INPP4B: variants seen among roughly 807,000 people sequenced by gnomAD.
The protein encoded by INPP4B is inositol polyphosphate-4-phosphatase type II B, also known as inositol polyphosphate 4-phosphatase type II.
A neutral mutation model predicts 122.5 loss-of-function variants in INPP4B; 55 were observed. The observed-to-expected ratio is 0.45, with a 90% confidence interval of 0.36 to 0.56. The LOEUF is 0.56. Among genes scored for constraint, INPP4B ranks in the 20% least tolerant of loss-of-function variants. The pLI, the probability that INPP4B is intolerant of heterozygous loss-of-function variation, is 0.00. For missense variants in INPP4B, 1,000 were observed against 1,097.7 expected (o/e 0.91, Z 1.26); for synonymous variants, 403 against 388.7 (o/e 1.04, Z -0.43).
At chr4:142,551,776 A>G (rs1017609968) in intron 2 of INPP4B, among the ~76,000 whole-genome samples, 5 of 152,214 alleles carry the variant, frequency 3.3e-5, no homozygotes, top group African/African-American at 7.2e-5. Flanking sequence ...CAGAATGTCA[A>G]TTACATATAG....
At chr4:142,399,534 T>A (rs565327911) in intron 7 of INPP4B, among the ~76,000 whole-genome samples, 2 of 152,214 alleles carry the variant, frequency 1.3e-5, no homozygotes, top group East Asian at 3.9e-4. Context: ...TATGAAAGAC[T>A]CAGAATCCCA....
rs1026108197 is a variant in INPP4B, at chr4:142,305,397, C to T, written c.503+61G>A. On this transcript the variant is annotated intron_variant, in intron 9 of 25. Coordinates refer to ENST00000262992, the MANE Select transcript of INPP4B (RefSeq NM_001101669.3). The stretch of plus-strand genomic sequence containing the variant: ...GAATTGTGACTTTCAAACACACTGG[C>T]CATCAATAAATATCACTTGTTATTA... The T allele has an allele frequency of 3.1e-5, 39 of 1,245,052 alleles. No homozygotes were observed. The African/African-American group carries it at 5.3e-4, about 17-fold the overall frequency. The allele number at this position is 1,245,052 out of a possible 1,614,324, so 77.1% of individuals were successfully genotyped here. A position where few individuals can be genotyped will look rare whatever the true frequency, so the allele number is the denominator to read the frequency against.
chr4:142,245,049 C>G (rs1175024965), intron 11 of INPP4B, among the ~76,000 whole-genome samples: 2 of 152,270 alleles, frequency 1.3e-5, no homozygotes, highest in East Asian at 3.9e-4. Context: ...TGTTCATATT[C>G]TTTGCCCACT....
intron 5 of INPP4B, among the ~76,000 whole-genome samples, chr4:142,405,692 A>G (rs1803175197): frequency 6.6e-6 from 1 of 152,158 alleles, no homozygotes; most frequent in Admixed American, 6.5e-5. Context: ...GATTTGGGCC[A>G]TATCTGGGAA....
rs1736375322 is a variant in INPP4B, at chr4:142,024,375, C to T, written c.*4407G>A. 6.6e-6 allele frequency: 1 copy of T among 152,246 alleles called. No individual in the cohort carries two copies. Among genetic ancestry groups the T allele is most frequent in the East Asian group, 1.9e-4 (1 of 5,178 alleles). 9.4% of individuals were successfully genotyped at this position (152,246 alleles called of 1,614,324 possible). Reference sequence around the variant, plus strand: ...TCACACTAAAATTGTCAATCAGCTACACATCTCTCACCAAATCATTCTTTT... The same window carrying T: ...TCACACTAAAATTGTCAATCAGCTATACATCTCTCACCAAATCATTCTTTT... On this transcript the variant is annotated 3_prime_UTR_variant, in exon 26 of 26. Transcript: ENST00000262992.
chr4:142,631,545 G>T (rs940475547), intron 2 of INPP4B, among the ~76,000 whole-genome samples: 1 of 151,920 alleles, frequency 6.6e-6, no homozygotes, highest in Non-Finnish European at 1.5e-5. Flanking sequence ...GACTAAAAAC[G>T]TTCCAAAATT....
chr4:142,565,421 C>T (rs1279862297), intron 2 of INPP4B, among the ~76,000 whole-genome samples: 1 of 152,048 alleles, frequency 6.6e-6, no homozygotes, highest in Non-Finnish European at 1.5e-5. Context: ...GGGATTATAA[C>T]CTGTGGAATA....
At chr4:142,259,502 TA>T (rs1259187669) in intron 11 of INPP4B, among the ~76,000 whole-genome samples, 1 of 151,632 alleles carries the variant, frequency 6.6e-6, no homozygotes, top group African/African-American at 2.4e-5. Flanking sequence ...GGTACAGGAT[TA>T]AAAACAGGCC....
chr4:142,708,886 G>A (rs993589117), intron 2 of INPP4B, among the ~76,000 whole-genome samples: 1 of 152,128 alleles, frequency 6.6e-6, no homozygotes, highest in Non-Finnish European at 1.5e-5. Context: ...AGCTTGCACC[G>A]TGTGCCTAGA....
chr4:142,451,856 G>A (rs543807489), intron 3 of INPP4B, among the ~76,000 whole-genome samples: 22 of 152,130 alleles, frequency 1.4e-4, no homozygotes, highest in East Asian at 5.8e-4. Context: ...TTATTCACTC[G>A]TTTCAAATTA....
chr4:142,469,342 AAGG>A (rs1206334113), intron 2 of INPP4B, among the ~76,000 whole-genome samples: 1 of 152,132 alleles, frequency 6.6e-6, no homozygotes, highest in East Asian at 1.9e-4. Flanking sequence ...ATAACTCTGT[AAGG>A]AAAATTATAA....
At chr4:142,318,260 G>T (rs1372832731) in intron 7 of INPP4B, among the ~76,000 whole-genome samples, 2 of 152,034 alleles carry the variant, frequency 1.3e-5, no homozygotes, top group Non-Finnish European at 2.9e-5. Context: ...GGGGAGGAAA[G>T]AAAGAAGGAG....
chr4:142,650,101 A>G (rs769359523), intron 2 of INPP4B, among the ~76,000 whole-genome samples: 1 of 152,236 alleles, frequency 6.6e-6, no homozygotes, highest in African/African-American at 2.4e-5. Flanking sequence ...CCAGAATTTC[A>G]CATCCAGCCA....
Position 142,129,840 on chromosome 4 carries a change from C to T in INPP4B, c.1721-5080G>A, listed in dbSNP as rs530963953. Among the ~76,000 whole-genome samples, 27 of 152,174 alleles carry T rather than the reference C, an allele frequency of 1.8e-4. No homozygotes were observed. In the South Asian group the frequency reaches 5.2e-3, roughly 29 times the overall value. On this transcript the variant is annotated intron_variant, in intron 18 of 25. Coordinates refer to ENST00000262992, the MANE Select transcript of INPP4B (RefSeq NM_001101669.3). ...TGTGTCTTTCTTATATCATTGCTCCCCCCCTCCTTTTTCATGACATCATGA... is the reference window on the plus strand; with the variant it reads ...TGTGTCTTTCTTATATCATTGCTCCTCCCCTCCTTTTTCATGACATCATGA...
At chr4:142,201,807 C>A (rs1046717437) in intron 14 of INPP4B, among the ~76,000 whole-genome samples, 10 of 151,950 alleles carry the variant, frequency 6.6e-5, no homozygotes, top group Admixed American at 2.6e-4. Flanking sequence ...TCGGTAAAAT[C>A]CGTATTATCA....
At chr4:142,130,978 A>G (rs1800973739) in intron 18 of INPP4B, among the ~76,000 whole-genome samples, 1 of 152,240 alleles carries the variant, frequency 6.6e-6, no homozygotes, top group Admixed American at 6.5e-5. Context: ...GTAGCACAAA[A>G]TTGAAAGCCT....
At chr4:142,196,397 C>T (rs1031157265) in intron 14 of INPP4B, among the ~76,000 whole-genome samples, 6 of 152,210 alleles carry the variant, frequency 3.9e-5, no homozygotes, top group South Asian at 2.1e-4. Flanking sequence ...CATATTCTAA[C>T]GCTTGACCCT....
intron 2 of INPP4B, among the ~76,000 whole-genome samples, chr4:142,630,483 C>G (rs543105475): frequency 6.6e-6 from 1 of 152,128 alleles, no homozygotes; most frequent in East Asian, 1.9e-4. Context: ...AACATGTAAA[C>G]TGAATAAACT....
At chr4:142,046,625 A>T (rs1751610645) in intron 25 of INPP4B, among the ~76,000 whole-genome samples, 1 of 152,142 alleles carries the variant, frequency 6.6e-6, no homozygotes, top group Admixed American at 6.6e-5. Flanking sequence ...GGAATAAGGT[A>T]GGAAAAGCTG....
Sources: gnomAD v4.1 joint callset for allele counts (sites outside exome capture counted in the v4.1 genomes callset) on GRCh38, gnomAD v4.1.1 for gene constraint, MANE v1.5 for transcripts, NCBI Gene and HGNC (gene_info 2026-07-23, HGNC 2026-07-21) for gene names.